The following RUFY3 variants were observed in gnomAD, a reference collection of about 807,000 sequenced individuals.
RUFY3 encodes RUN and FYVE domain containing 3.
A neutral mutation model predicts 84.0 loss-of-function variants in RUFY3; 34 were observed. The ratio of observed to expected loss-of-function variants is 0.40; its 90% CI spans 0.31 to 0.54. The LOEUF is 0.54. Ranked by LOEUF, RUFY3 falls within the 20% of genes least tolerant of loss-of-function variation. RUFY3 has a pLI of 0.39. For synonymous variants in RUFY3, 242 were observed against 252.9 expected, an observed-to-expected ratio of 0.96 and a Z score of 0.41; for missense variants, 507 against 736.8, an observed-to-expected ratio of 0.69 and a Z score of 3.61.
rs1052450402 is a variant in RUFY3, at chr4:70,746,668, A to G, written c.179-15851A>G. 2.6e-5 allele frequency among the ~76,000 whole-genome samples: 4 copies of G among 152,318 alleles called. No individual in the cohort carries two copies. The East Asian group carries it at 7.7e-4, about 29-fold the overall frequency. ...CCATTTTATAGATAAGGAAAGTGAC[A>G]CATACAGAGGTTAAGAAAGTTTCCC... On this transcript the variant is annotated intron_variant, in intron 1 of 17. Coordinates refer to ENST00000381006, the MANE Select transcript of RUFY3 (RefSeq NM_001037442.4).
At chr4:70,795,481 A>G (rs1177003312) in intron 14 of RUFY3, among the ~76,000 whole-genome samples, 1 of 152,214 alleles carries the variant, frequency 6.6e-6, no homozygotes, top group African/African-American at 2.4e-5. Context: ...GTGATGAAGG[A>G]GCTACAATTG....
intron 1 of RUFY3, among the ~76,000 whole-genome samples, chr4:70,737,516 A>G (rs921399835): frequency 1.3e-5 from 2 of 152,120 alleles, no homozygotes; most frequent in Admixed American, 1.3e-4. Flanking sequence ...CTGCCAGCAT[A>G]GCCATTCCAG....
chr4:70,768,139 A>C lies in RUFY3; in HGVS notation c.573-399A>C, dbSNP rs76199243. Among the ~76,000 whole-genome samples the C allele has an allele frequency of 2.0e-5, 3 of 152,298 alleles. No homozygotes were observed. The East Asian group carries it at 5.8e-4, about 29-fold the overall frequency. ...TGCGAACCACCATGCCGAGCTACCA[A>C]ACAAATGTTTTAAGATGCATAAAAG... On this transcript the variant is annotated intron_variant, in intron 4 of 17. Coordinates refer to ENST00000381006, the MANE Select transcript of RUFY3 (RefSeq NM_001037442.4).
At chr4:70,747,644 A>G (rs1314995206) in intron 1 of RUFY3, among the ~76,000 whole-genome samples, 1 of 152,162 alleles carries the variant, frequency 6.6e-6, no homozygotes, top group Non-Finnish European at 1.5e-5. Context: ...ATCTTTTCTC[A>G]TAACTGCTAT....
intron 1 of RUFY3, among the ~76,000 whole-genome samples, chr4:70,730,224 A>T (rs1719017454): frequency 7.9e-5 from 12 of 151,886 alleles, no homozygotes; most frequent in Admixed American, 7.9e-4. Context: ...CACCCAGCCA[A>T]AATATGTGCT....
At chr4:70,725,289 A>G (rs902571302) in intron 1 of RUFY3, among the ~76,000 whole-genome samples, 1 of 151,724 alleles carries the variant, frequency 6.6e-6, no homozygotes, top group Non-Finnish European at 1.5e-5. Flanking sequence ...CTCAATGCTT[A>G]TTGGTGGTCA....
chr4:70,788,152 G>A lies in RUFY3; in HGVS notation c.1072-654G>A, dbSNP rs56323107. Among the ~76,000 whole-genome samples, 443 of 152,096 alleles carry A rather than the reference G, an allele frequency of 2.9e-3. 1 individual carries two copies. The highest frequency in any genetic ancestry group is 9.6e-3 in the African/African-American group (398 of 41,482). ...TACAAAAAATTAGCCAGGCATGGTGGCATGCACCCGTAGTCCCAGCTACTC... is the reference window on the plus strand; with the variant it reads ...TACAAAAAATTAGCCAGGCATGGTGACATGCACCCGTAGTCCCAGCTACTC... On this transcript the variant is annotated intron_variant, in intron 10 of 17. Transcript: ENST00000381006.
intron 1 of RUFY3, among the ~76,000 whole-genome samples, chr4:70,751,584 C>G (rs2148673479): frequency 6.6e-6 from 1 of 152,244 alleles, no homozygotes; most frequent in East Asian, 1.9e-4. Context: ...TTTGCCCATT[C>G]TTTTTTACTA....
chr4:70,757,477 G>T (rs1212182529), intron 1 of RUFY3, among the ~76,000 whole-genome samples: 7 of 152,188 alleles, frequency 4.6e-5, no homozygotes, highest in Admixed American at 1.3e-4. Context: ...GGTGGCACAT[G>T]CCTGTAATCC....
At chr4:70,721,664 A>ACC (rs1742318255), upstream of RUFY3, among the ~76,000 whole-genome samples, 1 of 152,204 alleles carries the variant, frequency 6.6e-6, no homozygotes, top group South Asian at 2.1e-4. Flanking sequence ...GAGGTGAATT[A>ACC]TATGCTTGTT....
intron 12 of RUFY3, chr4:70,792,042 T>C (rs151244022): frequency 1.6e-4 from 159 of 985,514 alleles, no homozygotes; most frequent in Non-Finnish European, 1.9e-4. Flanking sequence ...GTTTGTCATC[T>C]TCTACCTCTG....
intron 1 of RUFY3, among the ~76,000 whole-genome samples, chr4:70,710,622 A>G (rs1196207901): frequency 6.6e-6 from 1 of 152,158 alleles, no homozygotes; most frequent in East Asian, 1.9e-4. Context: ...GTGAGCCGAG[A>G]TTGCGCCATT....
intron 10 of RUFY3, among the ~76,000 whole-genome samples, chr4:70,788,090 C>G (rs904034748): frequency 5.3e-5 from 8 of 151,724 alleles, no homozygotes; most frequent in African/African-American, 1.2e-4. Context: ...TTCACACCAG[C>G]CTGGTCAACA....
intron 1 of RUFY3, among the ~76,000 whole-genome samples, chr4:70,740,152 A>G (rs1721097258): frequency 6.6e-6 from 1 of 152,218 alleles, no homozygotes; most frequent in African/African-American, 2.4e-5. Flanking sequence ...ACCTTGAGGT[A>G]TAAAAGAATG....
intron 1 of RUFY3, among the ~76,000 whole-genome samples, chr4:70,757,242 A>G (rs1724180797): frequency 6.6e-6 from 1 of 152,212 alleles, no homozygotes; most frequent in South Asian, 2.1e-4. Context: ...GTGCCACTGC[A>G]CTCCAGCCTG....
intron 8 of RUFY3, among the ~76,000 whole-genome samples, chr4:70,782,145 C>T (rs1287572322): frequency 2.0e-5 from 3 of 151,890 alleles, no homozygotes; most frequent in Admixed American, 1.3e-4. Flanking sequence ...TGTGACAGGA[C>T]CCCTTTATTA....
At chr4:70,785,002 A>G (rs1729551620) in intron 10 of RUFY3, 123 bp downstream of exon 10, 1 of 559,322 alleles carries the variant, frequency 1.8e-6, no homozygotes, top group Non-Finnish European at 3.0e-6. Context: ...TCTAGATCCT[A>G]TAAAATGGTT....
intron 1 of RUFY3, among the ~76,000 whole-genome samples, chr4:70,727,742 G>T (rs888859307): frequency 6.7e-6 from 1 of 149,286 alleles, no homozygotes; most frequent in Non-Finnish European, 1.5e-5. Flanking sequence ...AGCCGAGATC[G>T]TGCCACTGCA....
intron 12 of RUFY3, chr4:70,792,680 T>G: frequency 1.0e-6 from 1 of 985,148 alleles, no homozygotes; most frequent in Non-Finnish European, 1.2e-6. Flanking sequence ...TTCCAGCTCT[T>G]AAAATTCTTT....
Sources: allele counts gnomAD v4.1 joint callset (sites outside exome capture counted in the v4.1 genomes callset), GRCh38; gene constraint gnomAD v4.1.1; transcripts MANE v1.5; gene names NCBI Gene and HGNC (gene_info 2026-07-23, HGNC 2026-07-21).